The following BRI3 variants were observed in gnomAD, a reference collection of about 807,000 sequenced individuals.
The protein encoded by BRI3 is brain protein I3.
BRI3 carries 6 observed loss-of-function variants against 12.8 expected under a neutral mutation model. The observed-to-expected ratio is 0.47, with a 90% CI of 0.26 to 0.93. BRI3 has a LOEUF of 0.93. Ranked by LOEUF, BRI3 falls within the 40% of genes least tolerant of loss-of-function variation. The probability of loss-of-function intolerance (pLI) is 0.15; values close to 1 mark genes in which losing one functional copy is unlikely to be tolerated. For synonymous variants in BRI3, 91 were observed against 76.1 expected, an observed-to-expected ratio of 1.20 and a Z score of -1.02; for missense variants, 134 against 171.1, an observed-to-expected ratio of 0.78 and a Z score of 1.21.
chr7:98,298,708 G>A (rs1800293194), intron 1 of BRI3, among the ~76,000 whole-genome samples: 1 of 152,214 alleles, frequency 6.6e-6, no homozygotes, highest in Non-Finnish European at 1.5e-5. Flanking sequence ...AACATCATCA[G>A]CTGGTTTAGG....
downstream of BRI3, among the ~76,000 whole-genome samples, chr7:98,313,323 C>T (rs781602340): frequency 1.3e-5 from 2 of 152,096 alleles, no homozygotes; most frequent in African/African-American, 4.8e-5. Flanking sequence ...ATTTGGTCTG[C>T]GTCACTCTAG....
At chr7:98,319,521 G>C in the BRI3 span, among the ~76,000 whole-genome samples, 4 of 150,792 alleles carry the variant, frequency 2.7e-5, no homozygotes, top group African/African-American at 9.7e-5. Flanking sequence ...GAAGCAGTGT[G>C]ATTTCCTGCA....
chr7:98,293,457 A>T, downstream of BRI3: 1 of 1,462,042 alleles, frequency 6.8e-7, no homozygotes, highest in Non-Finnish European at 9.6e-7. Flanking sequence ...CGTGGCAGAC[A>T]GGATGCGCCC....
At chr7:98,317,473 C>A in the BRI3 span, 2 of 1,328,386 alleles carry the variant, frequency 1.5e-6, no homozygotes, top group Non-Finnish European at 2.1e-6. Context: ...ACCCTCACTT[C>A]ACACCATCCT....
At chr7:98,318,604 G>A in the BRI3 span, among the ~76,000 whole-genome samples, 7 of 151,328 alleles carry the variant, frequency 4.6e-5, no homozygotes, top group African/African-American at 1.2e-4. Context: ...ACGGACCCGC[G>A]TCAGAATTCA....
chr7:98,323,216 T>C, the BRI3 span: 1 of 152,192 alleles, frequency 6.6e-6, no homozygotes, highest in South Asian at 2.1e-4. Flanking sequence ...GCCAAGAGCA[T>C]AATTCCATTA....
chr7:98,307,322 T>A (rs752032875), intron 1 of BRI3: 97 of 905,460 alleles, frequency 1.1e-4, no homozygotes, highest in Admixed American at 1.4e-4. Context: ...GCCAGGCTGG[T>A]CTGGAACTCC....
the BRI3 span, among the ~76,000 whole-genome samples, chr7:98,321,540 G>A: frequency 6.6e-6 from 1 of 152,080 alleles, no homozygotes; most frequent in African/African-American, 2.4e-5. Context: ...TCACGCCCCC[G>A]GGTTTGCAAT....
rs770609756 is a variant in BRI3 at position 98,291,114 on chromosome 7, T to G, written c.249T>G (p.Val83=). 6.2e-7 allele frequency: 1 copy of G among 1,614,136 alleles called. No homozygotes were observed. Among genetic ancestry groups the G allele is most frequent in the South Asian group, 1.1e-5 (1 of 91,086 alleles). Residue 83 remains valine, a synonymous_variant, in exon 3 of 3, where the codon GTT becomes GTG. Coordinates refer to ENST00000297290, the MANE Select transcript of BRI3 (RefSeq NM_015379.5). The part of the protein sequence containing the change: ...VVVGGCPVCR[V]GVLEDCFTFL... ...TCTCTGCCCGTCTCTGCTGCAGGGT[T>G]GGGGTGCTGGAGGACTGCTTCACCT...
chr7:98,321,332 C>T, the BRI3 span, among the ~76,000 whole-genome samples: 4 of 152,170 alleles, frequency 2.6e-5, no homozygotes, highest in South Asian at 2.1e-4. Flanking sequence ...CTGTCAGGCA[C>T]GAGAGATAAA....
downstream of BRI3, chr7:98,292,065 G>A (rs1340373135): frequency 6.5e-6 from 1 of 153,552 alleles, no homozygotes; most frequent in African/African-American, 2.4e-5. Context: ...GGGGGTGCCT[G>A]GTTTGTCCTC....
At chr7:98,294,193 A>G (rs1800088973), downstream of BRI3, 2 of 1,472,080 alleles carry the variant, frequency 1.4e-6, no homozygotes, top group Middle Eastern at 1.8e-4. Context: ...GGGATTTGCT[A>G]TGTTGCCCAG....
chr7:98,317,234 T>A, the BRI3 span: 3 of 1,614,126 alleles, frequency 1.9e-6, no homozygotes, highest in African/African-American at 4.0e-5. Flanking sequence ...TTTCTTTGTG[T>A]TCATATTTGA....
downstream of BRI3, among the ~76,000 whole-genome samples, chr7:98,295,757 C>T (rs1298968296): frequency 2.0e-5 from 3 of 152,276 alleles, no homozygotes; most frequent in African/African-American, 7.2e-5. Context: ...ACACCCTCCA[C>T]CCACCCCAAG....
chr7:98,321,770 G>T, the BRI3 span, among the ~76,000 whole-genome samples: 1 of 152,072 alleles, frequency 6.6e-6, no homozygotes, highest in Admixed American at 6.6e-5. Flanking sequence ...AAGATGTGCC[G>T]GCGGACCATC....
At chr7:98,317,154 ACCT>A in the BRI3 span, 1 of 1,605,736 alleles carries the variant, frequency 6.2e-7, no homozygotes, top group East Asian at 2.2e-5. Context: ...CACCCGGCTA[ACCT>A]CCTCTTAAAC....
At chr7:98,293,710 C>T (rs1411180154), downstream of BRI3, 6 of 969,772 alleles carry the variant, frequency 6.2e-6, no homozygotes, top group East Asian at 2.4e-5. Context: ...ACCACCTCCC[C>T]AGCTTGTACA....
chr7:98,302,606 C>A (rs1239405890), upstream of BRI3, among the ~76,000 whole-genome samples: 1 of 151,432 alleles, frequency 6.6e-6, no homozygotes, highest in African/African-American at 2.4e-5. Flanking sequence ...AGAAAGGACA[C>A]CAACAGCAAA....
chr7:98,290,181 GTTTTTTTTTTTTT>G (rs1180326213), intron 2 of BRI3, among the ~76,000 whole-genome samples: 2 of 102,564 alleles, frequency 1.9e-5, no homozygotes, highest in South Asian at 4.1e-4. Flanking sequence ...TCTCAAGGTT[GTTTTTTTTTTTTT>G]TTTTTTTTTT....
Sources: allele counts gnomAD v4.1 joint callset (sites outside exome capture counted in the v4.1 genomes callset), GRCh38; gene constraint gnomAD v4.1.1; transcripts MANE v1.5; gene names NCBI Gene and HGNC (gene_info 2026-07-23, HGNC 2026-07-21).